The following ATP1A1 variants were observed in gnomAD, a reference collection of about 807,000 sequenced individuals.
ATP1A1 encodes ATPase Na+/K+ transporting subunit alpha 1.
In ATP1A1, 14 loss-of-function variants were observed where a neutral mutation model predicts 114.8. The ratio of observed to expected loss-of-function variants is 0.12; its 90% CI spans 0.08 to 0.19. ATP1A1 has a LOEUF of 0.19. ATP1A1 is among the 10% of genes least tolerant of loss of function. The pLI, the probability that ATP1A1 is intolerant of heterozygous loss-of-function variation, is 1.00. For synonymous variants in ATP1A1, 471 were observed against 466.3 expected, an observed-to-expected ratio of 1.01 and a Z score of -0.13; for missense variants, 524 against 1,290.7, an observed-to-expected ratio of 0.41 and a Z score of 9.10.
rs1036409984 is a variant in ATP1A1 at position 116,404,118 on chromosome 1, T to C, written c.3043+143T>C. 4 of 800,596 alleles carry C rather than the reference T, an allele frequency of 5.0e-6. No homozygotes were observed. Among genetic ancestry groups the C allele is most frequent in the Non-Finnish European group, 8.0e-6 (4 of 497,772 alleles). 49.6% of individuals were successfully genotyped at this position (800,596 alleles called of 1,614,324 possible). A position where few individuals can be genotyped will look rare whatever the true frequency, so the allele number is the denominator to read the frequency against. ...GGTGACTGGACCAGCAAACTGACCA[T>C]AGTCACATCTTCAGAATGTAGATCT... On this transcript the variant is annotated intron_variant, in intron 22 of 22. Coordinates refer to ENST00000295598, the MANE Select transcript of ATP1A1 (RefSeq NM_000701.8). The surrounding 1 kb of genome is among the most constrained non-coding windows in gnomAD (Gnocchi z 4.8).
At chr1:116,380,992 C>T (rs1000743378) in intron 1 of ATP1A1, among the ~76,000 whole-genome samples, 4 of 151,854 alleles carry the variant, frequency 2.6e-5, no homozygotes, top group Admixed American at 1.3e-4. Flanking sequence ...TAGTGTAATC[C>T]GTTGAGTTTC....
intron 3 of ATP1A1, among the ~76,000 whole-genome samples, chr1:116,386,503 T>C (rs1266618045): frequency 1.3e-5 from 2 of 152,216 alleles, no homozygotes; most frequent in Non-Finnish European, 2.9e-5. Flanking sequence ...TTTGGTAACA[T>C]GAGCACAAAA....
In ATP1A1 at chr1:116,389,901, C is replaced by T. The variant is rs115202581; in HGVS notation, c.1023+194C>T. 1.8e-4 allele frequency: 161 copies of T among 874,042 alleles called. No homozygotes were observed. In the African/African-American group the frequency reaches 2.5e-3, roughly 14 times the overall value. The allele number at this position is 874,042 out of a possible 1,614,324, so 54.1% of individuals were successfully genotyped here. A position where few individuals can be genotyped will look rare whatever the true frequency, so the allele number is the denominator to read the frequency against. ...AGCATTTGTTTATACGTAAGATAACCCCAAAGCATACATTTTGCTTTTAAA... is the reference window on the plus strand; with the variant it reads ...AGCATTTGTTTATACGTAAGATAACTCCAAAGCATACATTTTGCTTTTAAA... On this transcript the variant is annotated intron_variant, in intron 8 of 22. Coordinates refer to ENST00000295598, the MANE Select transcript of ATP1A1 (RefSeq NM_000701.8). This position sits in a 1 kb window ranked among gnomAD's most constrained non-coding sequence, Gnocchi z 6.9.
intron 13 of ATP1A1, among the ~76,000 whole-genome samples, chr1:116,396,274 TCC>T (rs1440920928): frequency 4.8e-5 from 7 of 144,574 alleles, no homozygotes; most frequent in African/African-American, 1.6e-4. Context: ...CAGATTTTTA[TCC>T]TTTTTTTTTT....
In ATP1A1 at chr1:116,389,908, C is replaced by T; in HGVS notation, c.1023+201C>T. 1 of 859,644 alleles carries T rather than the reference C, an allele frequency of 1.2e-6. No homozygotes were observed. Among genetic ancestry groups the T allele is most frequent in the Non-Finnish European group, 1.7e-6 (1 of 573,514 alleles). The allele number at this position is 859,644 out of a possible 1,614,324, so 53.3% of individuals were successfully genotyped here. A position where few individuals can be genotyped will look rare whatever the true frequency, so the allele number is the denominator to read the frequency against. On this transcript the variant is annotated intron_variant, in intron 8 of 22. Coordinates refer to ENST00000295598, the MANE Select transcript of ATP1A1 (RefSeq NM_000701.8). The surrounding 1 kb of genome is among the most constrained non-coding windows in gnomAD (Gnocchi z 6.9). Reference sequence around the variant, plus strand: ...GTTTATACGTAAGATAACCCCAAAGCATACATTTTGCTTTTAAATTATCAC... The same window carrying T: ...GTTTATACGTAAGATAACCCCAAAGTATACATTTTGCTTTTAAATTATCAC...
chr1:116,398,580 A>G lies in ATP1A1; in HGVS notation c.2125-41A>G. On this transcript the variant is annotated intron_variant, in intron 15 of 22. Transcript: ENST00000295598. This position sits in a 1 kb window ranked among gnomAD's most constrained non-coding sequence, Gnocchi z 6.1. Reference sequence around the variant, plus strand: ...CATCGCACTATTTCCATCGCTAGGAAAAGTGATTGGTATTAACCCGTTTTC... The same window carrying G: ...CATCGCACTATTTCCATCGCTAGGAGAAGTGATTGGTATTAACCCGTTTTC... The G allele has an allele frequency of 6.3e-7, 1 of 1,596,618 alleles. No individual in the cohort carries two copies. Among genetic ancestry groups the G allele is most frequent in the Non-Finnish European group, 8.6e-7 (1 of 1,168,962 alleles).
intron 1 of ATP1A1, 125 bp from the exon 2 acceptor site, chr1:116,383,889 A>T: frequency 1.3e-6 from 1 of 755,632 alleles, no homozygotes; most frequent in Non-Finnish European, 2.2e-6. Flanking sequence ...TTTCCTGACT[A>T]TTATCTTAAT....
rs1444006296 is a variant in ATP1A1 at position 116,393,175 on chromosome 1, C to G, written c.1467+187C>G. 2 of 951,040 alleles carry G rather than the reference C, an allele frequency of 2.1e-6. No individual in the cohort carries two copies. The highest frequency in any genetic ancestry group is 1.5e-6 in the Non-Finnish European group (1 of 658,944). 58.9% of individuals were successfully genotyped at this position (951,040 alleles called of 1,614,324 possible). On this transcript the variant is annotated intron_variant, in intron 11 of 22. Coordinates refer to ENST00000295598, the MANE Select transcript of ATP1A1 (RefSeq NM_000701.8). The surrounding 1 kb of genome is among the most constrained non-coding windows in gnomAD (Gnocchi z 5.0). Reference sequence around the variant, plus strand: ...TCAGCAGGATAAATGAAGCCTCTTGCAAAACACTGTTGAGCCCTTTTGAAT... The same window carrying G: ...TCAGCAGGATAAATGAAGCCTCTTGGAAAACACTGTTGAGCCCTTTTGAAT...
rs536076080 is a variant in ATP1A1 at position 116,373,265 on chromosome 1, G to C, written c.-247G>C. ...GGCTGGAGCTGCGGCGGGGTCTGGG[G>C]CGCAGAGCAGCGGCGGGAGGAGGCG... On this transcript the variant is annotated 5_prime_UTR_variant, in exon 1 of 23. Transcript: ENST00000295598. 40 of 386,908 alleles carry C rather than the reference G, an allele frequency of 1.0e-4. No homozygotes were observed. In the East Asian group the frequency reaches 1.5e-3, roughly 14 times the overall value. 24.0% of individuals were successfully genotyped at this position (386,908 alleles called of 1,614,324 possible). A position where few individuals can be genotyped will look rare whatever the true frequency, so the allele number is the denominator to read the frequency against.
Position 116,398,905 on chromosome 1 carries a change from C to T in ATP1A1, c.2294-25C>T. The T allele has an allele frequency of 2.5e-6, 4 of 1,613,682 alleles. No homozygotes were observed. The highest frequency in any genetic ancestry group is 3.4e-6 in the Non-Finnish European group (4 of 1,179,622). On this transcript the variant is annotated intron_variant, in intron 16 of 22. Coordinates refer to ENST00000295598, the MANE Select transcript of ATP1A1 (RefSeq NM_000701.8). This position sits in a 1 kb window ranked among gnomAD's most constrained non-coding sequence, Gnocchi z 6.1. The stretch of plus-strand genomic sequence containing the variant: ...CCAGTGTGCTTGTCTCATAAGCTAA[C>T]AGTAAAAAATCTTGGTTTTCATAGG...
intron 8 of ATP1A1, 68 bp from the exon 9 acceptor site, chr1:116,390,145 T>C (rs1652347558): frequency 6.8e-7 from 1 of 1,463,864 alleles, no homozygotes; most frequent in Non-Finnish European, 9.5e-7. Context: ...CACATTAGGA[T>C]ATAGCAAGAA....
rs1652637209 is a variant in ATP1A1, at chr1:116,393,466, G to GTT, written c.1468-62_1468-61dup. On this transcript the variant is annotated intron_variant, in intron 11 of 22. Coordinates refer to ENST00000295598, the MANE Select transcript of ATP1A1 (RefSeq NM_000701.8). This position sits in a 1 kb window ranked among gnomAD's most constrained non-coding sequence, Gnocchi z 5.0. The stretch of plus-strand genomic sequence containing the variant: ...AATACTAAATAGTAAGTGAAGCTTT[G>GTT]TTTTCCACCATGGACTGCCACACAT... The GTT allele has an allele frequency of 2.0e-6, 3 of 1,505,246 alleles. No individual in the cohort carries two copies. In the Admixed American group the frequency reaches 6.2e-5, roughly 31 times the overall value. 93.2% of individuals were successfully genotyped at this position (1,505,246 alleles called of 1,614,324 possible). A position where few individuals can be genotyped will look rare whatever the true frequency, so the allele number is the denominator to read the frequency against.
rs79640523 is a variant in ATP1A1, at chr1:116,390,536, G to GTTTT, written c.1222+136_1222+139dup. ...CATGGCAGCTTTTTCTTTCTTTTTT[G>GTTTT]TTTTTTTTTTTTTTATCATTTAGTG... On this transcript the variant is annotated intron_variant, in intron 9 of 22. Transcript: ENST00000295598. 786 of 694,216 alleles carry GTTTT rather than the reference G, an allele frequency of 1.1e-3. 5 individuals carry two copies. The African/African-American group carries it at 0.014, about 12-fold the overall frequency. The allele number at this position is 694,216 out of a possible 1,614,324, so 43.0% of individuals were successfully genotyped here.
In ATP1A1 at chr1:116,393,477, T is replaced by C. The variant is rs1033172330; in HGVS notation, c.1468-54T>C. On this transcript the variant is annotated intron_variant, in intron 11 of 22. Transcript: ENST00000295598. This position sits in a 1 kb window ranked among gnomAD's most constrained non-coding sequence, Gnocchi z 5.0. ...GTAAGTGAAGCTTTGTTTTCCACCATGGACTGCCACACATCCAACCATCCA... is the reference window on the plus strand; with the variant it reads ...GTAAGTGAAGCTTTGTTTTCCACCACGGACTGCCACACATCCAACCATCCA... The C allele has an allele frequency of 3.2e-6, 5 of 1,542,470 alleles. No individual in the cohort carries two copies. The highest frequency in any genetic ancestry group is 4.4e-6 in the Non-Finnish European group (5 of 1,136,556).
At chr1:116,383,934 C>A in intron 1 of ATP1A1, 80 bp from the exon 2 acceptor site, 1 of 1,232,164 alleles carries the variant, frequency 8.1e-7, no homozygotes, top group Non-Finnish European at 1.2e-6. Flanking sequence ...TAAAAACTAC[C>A]AAAATCCCCT....
In ATP1A1 at chr1:116,398,282, T is replaced by C. The variant is rs143047843; in HGVS notation, c.2124+244T>C. Reference sequence around the variant, plus strand: ...AGAGCCTGACCGCTCCGTGGAGTCATCTGATATGGGGTCCTAGTATTTGCA... The same window carrying C: ...AGAGCCTGACCGCTCCGTGGAGTCACCTGATATGGGGTCCTAGTATTTGCA... On this transcript the variant is annotated intron_variant, in intron 15 of 22. Coordinates refer to ENST00000295598, the MANE Select transcript of ATP1A1 (RefSeq NM_000701.8). This position sits in a 1 kb window ranked among gnomAD's most constrained non-coding sequence, Gnocchi z 6.1. 1.3e-3 allele frequency among the ~76,000 whole-genome samples: 191 copies of C among 152,300 alleles called. No homozygotes were observed. Among genetic ancestry groups the C allele is most frequent in the African/African-American group, 4.4e-3 (181 of 41,564 alleles).
chr1:116,379,045 A>G (rs1317736013), intron 1 of ATP1A1, among the ~76,000 whole-genome samples: 1 of 152,158 alleles, frequency 6.6e-6, no homozygotes, highest in African/African-American at 2.4e-5. Flanking sequence ...GATTCTTTAC[A>G]CCTTTTAGAA....
intron 1 of ATP1A1, chr1:116,373,907 G>T: frequency 7.7e-7 from 1 of 1,306,228 alleles, no homozygotes. Context: ...GCATCCCTGA[G>T]CCTGGCTCCC....
chr1:116,396,240 G>C lies in ATP1A1; in HGVS notation c.1837-358G>C, dbSNP rs148275427. 1.6e-3 allele frequency among the ~76,000 whole-genome samples: 243 copies of C among 148,350 alleles called. 1 individual carries two copies. The highest frequency in any genetic ancestry group is 5.9e-3 in the African/African-American group (234 of 39,826). On this transcript the variant is annotated intron_variant, in intron 13 of 22. Transcript: ENST00000295598. ...TGAGAATGCTAGCCAGTAGCATGTGGTGTCTTCACAGTCCCACCAGCATCA... is the reference window on the plus strand; with the variant it reads ...TGAGAATGCTAGCCAGTAGCATGTGCTGTCTTCACAGTCCCACCAGCATCA...
Sources: allele counts gnomAD v4.1 joint callset (sites outside exome capture counted in the v4.1 genomes callset), GRCh38; gene constraint gnomAD v4.1.1; non-coding constraint Gnocchi (gnomAD v3.1); transcripts MANE v1.5; gene names NCBI Gene and HGNC (gene_info 2026-07-23, HGNC 2026-07-21).